Variants in ATP6V0D1 observed in about 807,000 individuals in gnomAD.
The protein encoded by ATP6V0D1 is ATPase H+ transporting V0 subunit d1, also known as V-type proton ATPase subunit d 1.
ATP6V0D1 carries 13 observed loss-of-function variants against 39.0 expected under a neutral mutation model. The ratio of observed to expected loss-of-function variants is 0.33; its 90% CI spans 0.22 to 0.53. The LOEUF is 0.53. Among genes scored for constraint, ATP6V0D1 ranks in the 20% least tolerant of loss-of-function variants. The pLI, the probability that ATP6V0D1 is intolerant of heterozygous loss-of-function variation, is 0.94. For synonymous variants in ATP6V0D1, 191 were observed against 191.2 expected (o/e 1.00, Z 0.01); for missense variants, 272 against 470.9 (o/e 0.58, Z 3.91).
Position 67,443,192 on chromosome 16 carries a change from A to G in ATP6V0D1, c.482-14T>C, listed in dbSNP as rs773382106. The stretch of plus-strand genomic sequence containing the variant: ...GGAAAAAAGCCGCTGGGGAGGAAAC[A>G]TGGTTTGAGGGGTGGGCAGGTGGCC... On this transcript the variant is annotated splice_polypyrimidine_tract_variant and intron_variant, in intron 3 of 7. Transcript: ENST00000290949. The G allele has an allele frequency of 6.2e-7, 1 of 1,613,362 alleles. No individual in the cohort carries two copies. Among genetic ancestry groups the G allele is most frequent in the South Asian group, 1.1e-5 (1 of 91,050 alleles).
chr16:67,469,476 C>T (rs9941194), intron 1 of ATP6V0D1, among the ~76,000 whole-genome samples: 4,709 of 152,272 alleles, frequency 0.031, 235 homozygotes, highest in African/African-American at 0.11. Flanking sequence ...TATACCTGGA[C>T]AGGGGCCCTG....
intron 1 of ATP6V0D1, among the ~76,000 whole-genome samples, chr16:67,475,028 C>T (rs965713850): frequency 6.6e-6 from 1 of 152,204 alleles, no homozygotes; most frequent in Non-Finnish European, 1.5e-5. Context: ...CTGCCTTCAC[C>T]GCCAGCCTGG....
intron 2 of ATP6V0D1, among the ~76,000 whole-genome samples, chr16:67,446,635 G>A (rs2041119497): frequency 6.6e-6 from 1 of 152,052 alleles, no homozygotes; most frequent in African/African-American, 2.4e-5. Flanking sequence ...CACGCCTCCT[G>A]CCTATGAGGC....
Position 67,453,020 on chromosome 16 carries a change from A to C in ATP6V0D1, c.302+524T>G, listed in dbSNP as rs111329184. On this transcript the variant is annotated intron_variant, in intron 2 of 7. Coordinates refer to ENST00000290949, the MANE Select transcript of ATP6V0D1 (RefSeq NM_004691.5). The surrounding 1 kb of genome is among the most constrained non-coding windows in gnomAD (Gnocchi z 4.1). ...AGCCTGCCCCTCAACTCTACTCCGA[A>C]CCAATCTCCCTGAGACCCAGGGCCA... 1.2e-3 allele frequency among the ~76,000 whole-genome samples: 188 copies of C among 152,254 alleles called. No individual in the cohort carries two copies. The highest frequency in any genetic ancestry group is 3.7e-3 in the African/African-American group (154 of 41,532).
Position 67,438,381 on chromosome 16 carries a change from G to T in ATP6V0D1, c.*147C>A. ...AGTCTCTAAGAGGGTCAGGAGAACT[G>T]GGCAGCCGCTAGGACAGCGTACTAC... On this transcript the variant is annotated 3_prime_UTR_variant, in exon 8 of 8. Coordinates refer to ENST00000290949, the MANE Select transcript of ATP6V0D1 (RefSeq NM_004691.5). 1.0e-6 allele frequency: 1 copy of T among 957,926 alleles called. No homozygotes were observed. Among genetic ancestry groups the T allele is most frequent in the Non-Finnish European group, 1.5e-6 (1 of 648,490 alleles). 59.3% of individuals were successfully genotyped at this position (957,926 alleles called of 1,614,324 possible).
chr16:67,438,601 T>C lies in ATP6V0D1; in HGVS notation c.983A>G (p.Asn328Ser). The change falls in exon 8 of 8, where the codon AAC becomes AGC. Residue 328 changes from asparagine (N) to serine (S), a missense_variant. Asn to Ser is a conservative substitution (Grantham distance 46, BLOSUM62 1). Around this residue, in one of 4 missense-constraint regions of ATP6V0D1, gnomAD observed 35 missense variants for 84.6 expected, o/e 0.41. Transcript: ENST00000290949. Reference sequence around the variant, plus strand: ...GATACATTCAGCGATCCACACGATGTTGCGACACTCCTGCTCCTTGAGCTT... The same window carrying C: ...GATACATTCAGCGATCCACACGATGCTGCGACACTCCTGCTCCTTGAGCTT... ...FVKLKEQECRNIVWIAECIAQ... is the reference protein window; with the variant it reads ...FVKLKEQECRSIVWIAECIAQ... 1.2e-6 allele frequency: 2 copies of C among 1,614,248 alleles called. No homozygotes were observed. Among genetic ancestry groups the C allele is most frequent in the Non-Finnish European group, 1.7e-6 (2 of 1,180,048 alleles).
intron 1 of ATP6V0D1, among the ~76,000 whole-genome samples, chr16:67,468,723 C>T (rs183837054): frequency 9.5e-4 from 145 of 152,238 alleles, no homozygotes; most frequent in Non-Finnish European, 8.8e-5. Context: ...GCATTTCCGT[C>T]TCTGCCATCA....
At chr16:67,462,045 T>A (rs1424576161) in intron 1 of ATP6V0D1, among the ~76,000 whole-genome samples, 2 of 152,136 alleles carry the variant, frequency 1.3e-5, no homozygotes, top group East Asian at 3.9e-4. Context: ...GACAGTCCCA[T>A]GTGCCAAAGG....
chr16:67,438,369 G>A lies in ATP6V0D1; in HGVS notation c.*159C>T. 1 of 860,860 alleles carries A rather than the reference G, an allele frequency of 1.2e-6. No individual in the cohort carries two copies. Among genetic ancestry groups the A allele is most frequent in the Non-Finnish European group, 1.8e-6 (1 of 564,124 alleles). 53.3% of individuals were successfully genotyped at this position (860,860 alleles called of 1,614,324 possible). A position where few individuals can be genotyped will look rare whatever the true frequency, so the allele number is the denominator to read the frequency against. Reference sequence around the variant, plus strand: ...AGGCCTAAGAACAGTCTCTAAGAGGGTCAGGAGAACTGGGCAGCCGCTAGG... The same window carrying A: ...AGGCCTAAGAACAGTCTCTAAGAGGATCAGGAGAACTGGGCAGCCGCTAGG... On this transcript the variant is annotated 3_prime_UTR_variant, in exon 8 of 8. Transcript: ENST00000290949.
chr16:67,441,854 C>T (rs902536494), intron 4 of ATP6V0D1: 1 of 152,274 alleles, frequency 6.6e-6, no homozygotes, highest in Non-Finnish European at 1.5e-5. Flanking sequence ...GCCCTCTAAT[C>T]TGCTCTCCAC....
chr16:67,438,217 G>A lies in ATP6V0D1; in HGVS notation c.*311C>T. On this transcript the variant is annotated 3_prime_UTR_variant, in exon 8 of 8. Coordinates refer to ENST00000290949, the MANE Select transcript of ATP6V0D1 (RefSeq NM_004691.5). The stretch of plus-strand genomic sequence containing the variant: ...AGGGTTCTCAGGTCAGGGAGTTAGG[G>A]AGGAACATGAAAGTGACATGCTTCT... 2.8e-6 allele frequency: 1 copy of A among 361,584 alleles called. No individual in the cohort carries two copies. The highest frequency in any genetic ancestry group is 5.1e-6 in the Non-Finnish European group (1 of 195,070). 22.4% of individuals were successfully genotyped at this position (361,584 alleles called of 1,614,324 possible). A position where few individuals can be genotyped will look rare whatever the true frequency, so the allele number is the denominator to read the frequency against.
chr16:67,470,607 C>T (rs531362471), intron 1 of ATP6V0D1, among the ~76,000 whole-genome samples: 62 of 152,356 alleles, frequency 4.1e-4, no homozygotes, highest in African/African-American at 1.3e-3. Flanking sequence ...TGGCCTGGCG[C>T]GGGCCTAACT....
At chr16:67,442,693 C>T (rs1162693149) in intron 4 of ATP6V0D1, among the ~76,000 whole-genome samples, 4 of 152,104 alleles carry the variant, frequency 2.6e-5, no homozygotes, top group African/African-American at 7.2e-5. Context: ...AGATCCCTCC[C>T]CCCACCATAA....
Position 67,467,442 on chromosome 16 carries a change from T to C in ATP6V0D1, c.130+13515A>G, listed in dbSNP as rs1475382058. Among the ~76,000 whole-genome samples the C allele has an allele frequency of 2.6e-5, 4 of 151,658 alleles. No individual in the cohort carries two copies. In the East Asian group the frequency reaches 7.7e-4, roughly 29 times the overall value. ...ATCGCTTGAACCCAGGAGGCGGAGG[T>C]TGCAGTGAGCCAAGATCATGCCACT... On this transcript the variant is annotated intron_variant, in intron 1 of 7. Transcript: ENST00000290949.
At chr16:67,471,559 T>C (rs946476402) in intron 1 of ATP6V0D1, among the ~76,000 whole-genome samples, 6 of 152,182 alleles carry the variant, frequency 3.9e-5, no homozygotes, top group Non-Finnish European at 7.3e-5. Context: ...TAATGAATTA[T>C]TGTTAAATAC....
intron 3 of ATP6V0D1, chr16:67,443,501 C>T (rs2041078526): frequency 3.4e-6 from 1 of 290,520 alleles, no homozygotes; most frequent in African/African-American, 2.1e-5. Context: ...GCCATGACAT[C>T]CTCCCTTCTG....
chr16:67,444,519 G>A lies in ATP6V0D1; in HGVS notation c.481+9C>T. 1 of 1,587,662 alleles carries A rather than the reference G, an allele frequency of 6.3e-7. No homozygotes were observed. The highest frequency in any genetic ancestry group is 8.6e-7 in the Non-Finnish European group (1 of 1,160,656). On this transcript the variant is annotated intron_variant, in intron 3 of 7. Coordinates refer to ENST00000290949, the MANE Select transcript of ATP6V0D1 (RefSeq NM_004691.5). The surrounding 1 kb of genome is among the most constrained non-coding windows in gnomAD (Gnocchi z 4.8). ...CTGCCCACCTCCCATGACCACCACA[G>A]CGGCTCACCAAGAGGCGTGTCCACC...
intron 1 of ATP6V0D1, chr16:67,454,919 C>T (rs1014161440): frequency 6.6e-6 from 1 of 152,428 alleles, no homozygotes; most frequent in Non-Finnish European, 1.5e-5. Context: ...GAGCTGTCTC[C>T]CCCTCTTCCT....
At chr16:67,469,970 A>G (rs1470347200) in intron 1 of ATP6V0D1, among the ~76,000 whole-genome samples, 1 of 152,224 alleles carries the variant, frequency 6.6e-6, no homozygotes, top group Non-Finnish European at 1.5e-5. Context: ...GATTACATGT[A>G]ACGCTTTGCA....
Sources: gnomAD v4.1 joint callset for allele counts (sites outside exome capture counted in the v4.1 genomes callset) on GRCh38, gnomAD v4.1.1 for gene constraint, gnomAD v4.1.1 regional missense constraint, Gnocchi (gnomAD v3.1) non-coding constraint, MANE v1.5 for transcripts, NCBI Gene and HGNC (gene_info 2026-07-23, HGNC 2026-07-21) for gene names.